TMEM273: variants seen among roughly 807,000 people sequenced by gnomAD.
TMEM273 encodes chromosome 10 open reading frame 128.
Under a neutral mutation model 17.9 loss-of-function variants are expected in TMEM273, and 19 were observed. The ratio of observed to expected loss-of-function variants is 1.06; its 90% CI spans 0.74 to 1.55. The LOEUF (loss-of-function observed/expected upper bound fraction) is 1.55. Ranked by LOEUF, TMEM273 falls within the 40% of genes most tolerant of loss-of-function variation. TMEM273 has a pLI of 0.00. For missense variants in TMEM273, 194 were observed against 155.6 expected, an observed-to-expected ratio of 1.25 and a Z score of -1.31; for synonymous variants, 66 against 62.0, an observed-to-expected ratio of 1.07 and a Z score of -0.31.
Position 49,167,021 on chromosome 10 carries a change from G to C in TMEM273, c.98-12C>G. The stretch of plus-strand genomic sequence containing the variant: ...GGCGTACTTGAAATCTGAAACGCAG[G>C]GAGGAATTGAACACCCGGTTTCAGT... On this transcript the variant is annotated splice_polypyrimidine_tract_variant and intron_variant, in intron 2 of 6. Coordinates refer to ENST00000374153, the MANE Select transcript of TMEM273 (RefSeq NM_001288740.3). The C allele has an allele frequency of 6.2e-7, 1 of 1,613,370 alleles. No homozygotes were observed. The highest frequency in any genetic ancestry group is 8.5e-7 in the Non-Finnish European group (1 of 1,179,520).
chr10:49,162,212 G>A (rs983509469), intron 5 of TMEM273, among the ~76,000 whole-genome samples: 2 of 152,154 alleles, frequency 1.3e-5, no homozygotes, highest in Non-Finnish European at 2.9e-5. Context: ...GTTTTCAAAT[G>A]GGTCTGTGTT....
intron 1 of TMEM273, among the ~76,000 whole-genome samples, chr10:49,174,228 T>C (rs72789089): frequency 0.17 from 25,226 of 152,232 alleles, 2,539 homozygotes; most frequent in Non-Finnish European, 0.24. Context: ...GCTTGGGTGA[T>C]ATGGGTGCTG....
At chr10:49,178,946 C>T (rs1478474968) in intron 1 of TMEM273, among the ~76,000 whole-genome samples, 1 of 152,144 alleles carries the variant, frequency 6.6e-6, no homozygotes, top group East Asian at 1.9e-4. Context: ...GGGTCCAGCT[C>T]CAGGTCCTTC....
In TMEM273 at chr10:49,166,998, C is replaced by A. The variant is rs376058804; in HGVS notation, c.109G>T (p.Ala37Ser). The A allele has an allele frequency of 6.2e-7, 1 of 1,613,998 alleles. No homozygotes were observed. The highest frequency in any genetic ancestry group is 1.7e-4 in the Middle Eastern group (1 of 6,060). ...TPGAEIDFKY[A>S]LIGTAVGVAI... ...ACACCCACAGCAGTCCCGATGAGGG[C>A]GTACTTGAAATCTGAAACGCAGGGA... Residue 37 changes from alanine to serine, a missense_variant, in exon 3 of 7, where the codon GCC becomes TCC. Coordinates refer to ENST00000374153, the MANE Select transcript of TMEM273 (RefSeq NM_001288740.3).
chr10:49,162,688 G>A (rs1739046541), intron 5 of TMEM273, among the ~76,000 whole-genome samples: 1 of 152,154 alleles, frequency 6.6e-6, no homozygotes, highest in Non-Finnish European at 1.5e-5. Context: ...TCCTCTGCCT[G>A]GGTACCTAAG....
At chr10:49,170,298 A>G (rs1467280034) in intron 1 of TMEM273, among the ~76,000 whole-genome samples, 2 of 152,146 alleles carry the variant, frequency 1.3e-5, no homozygotes, top group Admixed American at 6.5e-5. Context: ...TTTCTCCAAC[A>G]GCATCACGGT....
At chr10:49,181,839 G>C (rs529380496) in intron 1 of TMEM273, among the ~76,000 whole-genome samples, 13 of 152,186 alleles carry the variant, frequency 8.5e-5, no homozygotes, top group African/African-American at 3.1e-4. Flanking sequence ...AGATTAATAA[G>C]TTAGGCAATT....
intron 6 of TMEM273, among the ~76,000 whole-genome samples, chr10:49,157,422 T>C (rs1164024826): frequency 6.6e-6 from 1 of 152,324 alleles, no homozygotes; most frequent in Admixed American, 6.5e-5. Context: ...CAAGAGCATG[T>C]TGCATACCAT....
chr10:49,185,745 G>T (rs180753584), intron 1 of TMEM273, among the ~76,000 whole-genome samples: 17 of 152,140 alleles, frequency 1.1e-4, no homozygotes, highest in Middle Eastern at 6.8e-3. Flanking sequence ...TTTGGAGGCC[G>T]AGGTGGGCGG....
chr10:49,176,768 C>T (rs1847004161), intron 1 of TMEM273, among the ~76,000 whole-genome samples: 1 of 152,084 alleles, frequency 6.6e-6, no homozygotes, highest in African/African-American at 2.4e-5. Flanking sequence ...TGCACCGGAG[C>T]CCCTTACTAA....
intron 1 of TMEM273, among the ~76,000 whole-genome samples, chr10:49,171,091 C>T (rs2068804): frequency 0.4 from 60,670 of 152,092 alleles, 14,616 homozygotes; most frequent in African/African-American, 0.68. Flanking sequence ...GGGAATTCTC[C>T]GAGATCTCAT....
intron 4 of TMEM273, 97 bp downstream of exon 4, chr10:49,165,669 G>T: frequency 6.5e-7 from 1 of 1,531,906 alleles, no homozygotes; most frequent in Non-Finnish European, 9.0e-7. Context: ...GCATGCCAGA[G>T]TGCAGAGAAG....
intron 1 of TMEM273, among the ~76,000 whole-genome samples, chr10:49,174,782 G>A (rs566772091): frequency 1.4e-4 from 21 of 152,278 alleles, no homozygotes; most frequent in Admixed American, 1.1e-3. Flanking sequence ...CCCCATCCAC[G>A]GAAAGACAAT....
At chr10:49,176,590 T>C (rs1425870523) in intron 1 of TMEM273, among the ~76,000 whole-genome samples, 2 of 152,238 alleles carry the variant, frequency 1.3e-5, no homozygotes, top group Non-Finnish European at 2.9e-5. Flanking sequence ...TTATTATTCA[T>C]GCAATATTCA....
intron 1 of TMEM273, 67 bp from the exon 2 acceptor site, chr10:49,168,029 C>A: frequency 1.9e-6 from 3 of 1,595,612 alleles, no homozygotes; most frequent in Non-Finnish European, 2.6e-6. Flanking sequence ...TACCCAGTCT[C>A]AGAGGCCTGG....
chr10:49,156,063 G>C, intron 6 of TMEM273, 154 bp from the exon 7 acceptor site: 1 of 1,549,978 alleles, frequency 6.5e-7, no homozygotes, highest in South Asian at 1.2e-5. Context: ...ACATAGAAAG[G>C]AACTGAAGGC....
rs769493933 is a variant in TMEM273 at position 49,188,304 on chromosome 10, G to A, written c.33C>T (p.Leu11=). ...GCAGTCCCCACTTACCCAGGAGGAA[G>A]AGGATCCTCAGCATGCTGACCCCCA... MNLGVSMLRI[L]FLLDVGGAQV... Residue 11 remains leucine, a synonymous_variant, in exon 1 of 7, where the codon CTC becomes CTT. Coordinates refer to ENST00000374153, the MANE Select transcript of TMEM273 (RefSeq NM_001288740.3). 5.0e-6 allele frequency: 8 copies of A among 1,614,062 alleles called. No individual in the cohort carries two copies. The African/African-American group carries it at 6.7e-5, about 13-fold the overall frequency.
At chr10:49,167,073 A>G in intron 2 of TMEM273, 64 bp from the exon 3 acceptor site, 1 of 1,589,356 alleles carries the variant, frequency 6.3e-7, no homozygotes, top group Non-Finnish European at 8.6e-7. Context: ...TGCATTCCAG[A>G]TGAGGTCCAA....
chr10:49,175,894 C>T (rs761426134), intron 1 of TMEM273, among the ~76,000 whole-genome samples: 1 of 152,150 alleles, frequency 6.6e-6, no homozygotes, highest in Non-Finnish European at 1.5e-5. Flanking sequence ...AGATCAGAGG[C>T]CCCACAGCCG....
Sources: allele counts gnomAD v4.1 joint callset (sites outside exome capture counted in the v4.1 genomes callset), GRCh38; gene constraint gnomAD v4.1.1; transcripts MANE v1.5; gene names NCBI Gene and HGNC (gene_info 2026-07-23, HGNC 2026-07-21).